Variants in NAV1 observed in about 807,000 individuals in gnomAD.
NAV1 encodes the protein pore membrane and/or filament interacting like protein 3.
In NAV1, 18 loss-of-function variants were observed where a neutral mutation model predicts 175.2. The ratio of observed to expected loss-of-function variants is 0.10; its 90% CI spans 0.07 to 0.15. The LOEUF (loss-of-function observed/expected upper bound fraction) is 0.15, where lower values mean the gene tolerates loss of function less well. NAV1 is among the 10% of genes least tolerant of loss of function. NAV1 has a pLI of 1.00. For missense variants in NAV1, 1,731 were observed against 2,436.6 expected (o/e 0.71, Z 6.10); for synonymous variants, 897 against 978.7 (o/e 0.92, Z 1.56).
intron 2 of NAV1, among the ~76,000 whole-genome samples, chr1:201,606,933 G>A (rs570885723): frequency 1.3e-5 from 2 of 152,110 alleles, no homozygotes; most frequent in South Asian, 4.1e-4. Context: ...TTGTAACCAA[G>A]AATCTTTATA....
At chr1:201,685,251 C>T (rs1018553753) in intron 1 of NAV1, among the ~76,000 whole-genome samples, 2 of 151,856 alleles carry the variant, frequency 1.3e-5, no homozygotes, top group African/African-American at 4.8e-5. Flanking sequence ...AAAAACAAAA[C>T]AAAAAAAACC....
Position 201,807,896 on chromosome 1 carries a change from C to T in NAV1, c.3649-57C>T. 2.6e-6 allele frequency: 4 copies of T among 1,558,982 alleles called. No homozygotes were observed. Among genetic ancestry groups the T allele is most frequent in the Non-Finnish European group, 1.8e-6 (2 of 1,133,426 alleles). ...GTCTCAGAAGTCTCAATCCAGTCCTCCCCCATCCCAGTAGTGGAGTCCTAA... is the reference window on the plus strand; with the variant it reads ...GTCTCAGAAGTCTCAATCCAGTCCTTCCCCATCCCAGTAGTGGAGTCCTAA... On this transcript the variant is annotated intron_variant, in intron 17 of 29. Coordinates refer to ENST00000367296, the Ensembl canonical transcript of NAV1. This position sits in a 1 kb window ranked among gnomAD's most constrained non-coding sequence, Gnocchi z 5.4.
At chr1:201,583,046 G>A (rs1666913756) in intron 1 of NAV1, among the ~76,000 whole-genome samples, 1 of 152,268 alleles carries the variant, frequency 6.6e-6, no homozygotes, top group African/African-American at 2.4e-5. Context: ...AGCCCTGAGG[G>A]CTGGACCCAA....
At chr1:201,819,722 C>T in intron 29 of NAV1, 115 bp from the exon 34 acceptor site, 1 of 809,682 alleles carries the variant, frequency 1.2e-6, no homozygotes, top group Non-Finnish European at 2.1e-6. Flanking sequence ...TGGCTTCAAG[C>T]TATCCTTCCA....
chr1:201,649,988 G>C (rs1328772428), intron 1 of NAV1, among the ~76,000 whole-genome samples: 1 of 152,218 alleles, frequency 6.6e-6, no homozygotes, highest in Non-Finnish European at 1.5e-5. Flanking sequence ...GAAGCGTCTA[G>C]GGCCGGGGGC....
intron 1 of NAV1, among the ~76,000 whole-genome samples, chr1:201,665,467 G>A (rs377189224): frequency 2.0e-5 from 3 of 151,962 alleles, no homozygotes; most frequent in South Asian, 2.1e-4. Context: ...ATTTCTGTCC[G>A]CACTAGCCAC....
rs780504267 is a variant in NAV1, at chr1:201,782,524, G to A, written c.2012G>A (p.Arg671His). ...GGAGCCCGTTCTAACATCCAGTACC[G>A]CAGCCTGCCCCGGCCAGCCAAGTCA... Residue 671 changes from arginine to histidine, a missense_variant, in exon 6 of 30, where the codon CGC becomes CAC. Physicochemically the swap from Arg to His is conservative, Grantham distance 29. Around this residue, in one of 13 missense-constraint regions of NAV1, gnomAD observed 634 missense variants for 766.8 expected, o/e 0.83. Transcript: ENST00000367296. The surrounding 1 kb of genome is among the most constrained non-coding windows in gnomAD (Gnocchi z 5.4). 9 of 1,611,746 alleles carry A rather than the reference G, an allele frequency of 5.6e-6. No individual in the cohort carries two copies. The highest frequency in any genetic ancestry group is 1.7e-5 in the Admixed American group (1 of 59,944).
At chr1:201,558,605 A>G (rs544275681) in intron 1 of NAV1, among the ~76,000 whole-genome samples, 6 of 152,242 alleles carry the variant, frequency 3.9e-5, no homozygotes, top group Middle Eastern at 3.4e-3. Flanking sequence ...GGCGCACACC[A>G]CCACGCTGGC....
upstream of NAV1, among the ~76,000 whole-genome samples, chr1:201,618,286 C>T (rs1026779991): frequency 6.6e-6 from 1 of 152,172 alleles, no homozygotes; most frequent in Non-Finnish European, 1.5e-5. Context: ...TTTCCCCCTC[C>T]CATGCATGTT....
intron 1 of NAV1, among the ~76,000 whole-genome samples, chr1:201,653,374 G>A (rs1252639706): frequency 1.3e-5 from 2 of 152,192 alleles, no homozygotes; most frequent in African/African-American, 4.8e-5. Context: ...TCTCAAAGGT[G>A]TCTGGACCCA....
chr1:201,623,489 C>T, exon 1 of NAV1: 1 of 986,080 alleles, frequency 1.0e-6, no homozygotes, highest in Non-Finnish European at 1.2e-6. Context: ...GCTTCCTCTC[C>T]AGTCTGCAGC....
chr1:201,745,981 G>GC (rs1673742409), intron 3 of NAV1, among the ~76,000 whole-genome samples: 1 of 151,532 alleles, frequency 6.6e-6, no homozygotes, highest in Admixed American at 6.6e-5. Flanking sequence ...GCAGGTGCAT[G>GC]CCACCATGCT....
chr1:201,680,726 T>TTTTATTTTGTTGCTCAAATTAAA (rs536170430), intron 1 of NAV1, among the ~76,000 whole-genome samples: 2,221 of 152,146 alleles, frequency 0.015, 68 homozygotes, highest in Admixed American at 0.063. Context: ...TCACTATGTT[T>TTTTATTTTGTTGCTCAAATTAAA]TTTATTTTGT....
At position 201,718,335 on chromosome 1, in the gene NAV1, A is replaced by G; in HGVS notation, c.861-55A>G. 2 of 1,463,732 alleles carry G rather than the reference A, an allele frequency of 1.4e-6. No homozygotes were observed. Among genetic ancestry groups the G allele is most frequent in the South Asian group, 3.1e-5 (2 of 65,500 alleles). 90.7% of individuals were successfully genotyped at this position (1,463,732 alleles called of 1,614,324 possible). A position where few individuals can be genotyped will look rare whatever the true frequency, so the allele number is the denominator to read the frequency against. ...ATTGCTGGGGTGCATGTGAGGGGAC[A>G]GGGCACACGGCGGCTGTGCCAAGGA... is the stretch of plus-strand genomic sequence containing the variant. On this transcript the variant is annotated intron_variant, in intron 2 of 29. Transcript: ENST00000367296. The surrounding 1 kb of genome is among the most constrained non-coding windows in gnomAD (Gnocchi z 4.8).
Position 201,554,028 on chromosome 1 carries a change from G to A in NAV1, c.-144+14686G>A, listed in dbSNP as rs1292879572. 2.0e-5 allele frequency among the ~76,000 whole-genome samples: 3 copies of A among 152,144 alleles called. No individual in the cohort carries two copies. In the East Asian group the frequency reaches 5.8e-4, roughly 29 times the overall value. On this transcript the variant is annotated intron_variant, in intron 1 of 33. Transcript: ENST00000685211. ...TTCAGTGTCACCTTCTTTGTTCCCA[G>A]ACAACTTCCCCATTTCTGTGTCTTG...
chr1:201,620,439 G>A (rs578045501), upstream of NAV1, among the ~76,000 whole-genome samples: 1 of 150,414 alleles, frequency 6.6e-6, no homozygotes, highest in East Asian at 2.0e-4. Flanking sequence ...AGCAGTGTAT[G>A]GGAGACATAT....
Position 201,580,231 on chromosome 1 carries a change from A to G in NAV1, c.-143-8308A>G, listed in dbSNP as rs535823485. The stretch of plus-strand genomic sequence containing the variant: ...TCTTCCTTACTCAGTCCACTGACTC[A>G]AATGCCAATCTCTTCTGGAAACACC... On this transcript the variant is annotated intron_variant, in intron 1 of 33. Transcript: ENST00000685211. 9.7e-4 allele frequency among the ~76,000 whole-genome samples: 147 copies of G among 152,322 alleles called. 1 individual carries two copies. The highest frequency in any genetic ancestry group is 9.1e-3 in the South Asian group (44 of 4,828).
chr1:201,568,585 G>A (rs41515251), intron 1 of NAV1, among the ~76,000 whole-genome samples: 8,577 of 152,182 alleles, frequency 0.056, 324 homozygotes, highest in African/African-American at 0.11. Context: ...GTTTGATACC[G>A]ACTGTGGCAA....
In NAV1 at chr1:201,771,459, A is replaced by G. The variant is rs1041638041; in HGVS notation, c.1227-8962A>G. ...GGTTGCAGTGAGCCGAGACCACACCATTGCACTCCAGCCTGGGGAACAAGA... is the reference window on the plus strand; with the variant it reads ...GGTTGCAGTGAGCCGAGACCACACCGTTGCACTCCAGCCTGGGGAACAAGA... On this transcript the variant is annotated intron_variant, in intron 3 of 29. Coordinates refer to ENST00000367296, the Ensembl canonical transcript of NAV1. Among the ~76,000 whole-genome samples, 3 of 146,044 alleles carry G rather than the reference A, an allele frequency of 2.1e-5. No individual in the cohort carries two copies. In the Admixed American group the frequency reaches 2.1e-4, roughly 10 times the overall value.
Sources: gnomAD v4.1 joint callset for allele counts (sites outside exome capture counted in the v4.1 genomes callset) on GRCh38, gnomAD v4.1.1 for gene constraint, gnomAD v4.1.1 regional missense constraint, Gnocchi (gnomAD v3.1) non-coding constraint, MANE v1.5 for transcripts, NCBI Gene and HGNC (gene_info 2026-07-23, HGNC 2026-07-21) for gene names.